Variants in RBFOX1 observed in about 807,000 individuals in gnomAD.
RBFOX1 encodes RNA binding fox-1 homolog 1.
RBFOX1 carries 8 observed loss-of-function variants against 57.7 expected under a neutral mutation model. The observed-to-expected ratio is 0.14, with a 90% CI of 0.08 to 0.25. The LOEUF (loss-of-function observed/expected upper bound fraction) is 0.25. RBFOX1 is among the 10% of genes least tolerant of loss of function. RBFOX1 has a pLI of 1.00. For missense variants in RBFOX1, 611 were observed against 548.5 expected, an observed-to-expected ratio of 1.11 and a Z score of -1.14; for synonymous variants, 326 against 222.4, an observed-to-expected ratio of 1.47 and a Z score of -4.15.
At chr16:5,481,110 T>G (rs2069526065) in intron 2 of RBFOX1, among the ~76,000 whole-genome samples, 1 of 152,232 alleles carries the variant, frequency 6.6e-6, no homozygotes, top group Non-Finnish European at 1.5e-5. Context: ...GGAGTTAGTT[T>G]GTTCCTCTTC....
intron 3 of RBFOX1, among the ~76,000 whole-genome samples, chr16:5,664,960 A>G (rs930504649): frequency 1.5e-5 from 2 of 134,652 alleles, no homozygotes; most frequent in African/African-American, 5.4e-5. Flanking sequence ...TTTTTTTTTT[A>G]TCGAGATAGG....
chr16:6,858,243 C>G (rs1046531897), intron 3 of RBFOX1, among the ~76,000 whole-genome samples: 3 of 152,176 alleles, frequency 2.0e-5, no homozygotes, highest in East Asian at 3.9e-4. Context: ...AGATTTATCT[C>G]AAATGATGAA....
chr16:5,979,182 G>C (rs1020041508), intron 4 of RBFOX1, among the ~76,000 whole-genome samples: 21 of 152,190 alleles, frequency 1.4e-4, no homozygotes, highest in Admixed American at 1.4e-3. Flanking sequence ...GAGCTCCAAG[G>C]ATGCCCCTGC....
chr16:6,570,633 A>T (rs975096589), intron 2 of RBFOX1, among the ~76,000 whole-genome samples: 2 of 152,338 alleles, frequency 1.3e-5, no homozygotes, highest in East Asian at 3.9e-4. Context: ...ATATAAAGAC[A>T]AAGCACCTTT....
chr16:6,354,446 GAA>G (rs1279010599), intron 2 of RBFOX1, among the ~76,000 whole-genome samples: 1 of 152,040 alleles, frequency 6.6e-6, no homozygotes, highest in Non-Finnish European at 1.5e-5. Flanking sequence ...ACACAGCAGC[GAA>G]ACCAGTGTTC....
Position 5,953,351 on chromosome 16 carries a change from T to G in RBFOX1, c.351+86016T>G, listed in dbSNP as rs2059558236. ...TAAAAAAATTATTTCCATAGGTTAT[T>G]TGGGGACAGGTTATTTGGGGACAGG... On this transcript the variant is annotated intron_variant, in intron 4 of 19. Transcript: ENST00000641259. 2.6e-5 allele frequency among the ~76,000 whole-genome samples: 4 copies of G among 151,082 alleles called. No individual in the cohort carries two copies. In the South Asian group the frequency reaches 8.3e-4, roughly 31 times the overall value.
chr16:5,311,144 A>G (rs2151221013), intron 1 of RBFOX1, among the ~76,000 whole-genome samples: 1 of 152,296 alleles, frequency 6.6e-6, no homozygotes, highest in East Asian at 1.9e-4. Flanking sequence ...CTCTAGCTCC[A>G]TCCAAGTTGC....
intron 3 of RBFOX1, among the ~76,000 whole-genome samples, chr16:6,945,469 GAT>G (rs1568012544): frequency 8.3e-6 from 1 of 119,928 alleles, no homozygotes; most frequent in African/African-American, 3.5e-5. Context: ...TGGATATTTT[GAT>G]TTTTTTTTTT....
intron 3 of RBFOX1, among the ~76,000 whole-genome samples, chr16:5,835,639 C>T (rs1366545907): frequency 6.6e-6 from 1 of 152,182 alleles, no homozygotes; most frequent in Non-Finnish European, 1.5e-5. Flanking sequence ...GATTCTGAAG[C>T]AGGTGGCTCT....
intron 1 of RBFOX1, among the ~76,000 whole-genome samples, chr16:5,382,273 C>G (rs1026039551): frequency 6.6e-6 from 1 of 152,176 alleles, no homozygotes; most frequent in African/African-American, 2.4e-5. Context: ...AAAAAATGCT[C>G]AAATAGTTCC....
At chr16:7,497,621 G>C (rs775534071) in intron 4 of RBFOX1, among the ~76,000 whole-genome samples, 21 of 152,288 alleles carry the variant, frequency 1.4e-4, no homozygotes, top group Middle Eastern at 3.4e-3. Flanking sequence ...CTGGGGACCA[G>C]ACACAGTGGA....
intron 5 of RBFOX1, among the ~76,000 whole-genome samples, chr16:7,548,840 C>T (rs1337116743): frequency 6.6e-6 from 1 of 152,180 alleles, no homozygotes; most frequent in Non-Finnish European, 1.5e-5. Context: ...GGCATGATGG[C>T]ATGTTCCTGC....
chr16:5,315,593 T>G (rs1043186272), intron 1 of RBFOX1, among the ~76,000 whole-genome samples: 2 of 152,174 alleles, frequency 1.3e-5, no homozygotes, highest in Non-Finnish European at 2.9e-5. Flanking sequence ...GAATCACAAT[T>G]ATGCCTGATG....
chr16:7,041,338 CAA>C (rs1217852376), intron 3 of RBFOX1, among the ~76,000 whole-genome samples: 1 of 152,096 alleles, frequency 6.6e-6, no homozygotes, highest in Non-Finnish European at 1.5e-5. Context: ...GCAACAAAGA[CAA>C]GAGAGTCTGT....
intron 1 of RBFOX1, among the ~76,000 whole-genome samples, chr16:5,402,520 T>C (rs1480083044): frequency 2.6e-5 from 4 of 152,232 alleles, no homozygotes; most frequent in Non-Finnish European, 5.9e-5. Flanking sequence ...GGCTACTGTC[T>C]TCCTTTTGTT....
chr16:7,564,913 C>T (rs544175240), intron 5 of RBFOX1, among the ~76,000 whole-genome samples: 1 of 152,150 alleles, frequency 6.6e-6, no homozygotes, highest in Non-Finnish European at 1.5e-5. Flanking sequence ...TGAATTCATT[C>T]GAGTTGCAGG....
chr16:6,418,417 A>T (rs2093683393), intron 2 of RBFOX1, among the ~76,000 whole-genome samples: 1 of 152,066 alleles, frequency 6.6e-6, no homozygotes, highest in Admixed American at 6.6e-5. Flanking sequence ...CCTGGGAGTT[A>T]TAAAGTAGGG....
At chr16:7,382,690 G>C (rs545847143) in intron 4 of RBFOX1, among the ~76,000 whole-genome samples, 1 of 152,174 alleles carries the variant, frequency 6.6e-6, no homozygotes, top group African/African-American at 2.4e-5. Context: ...TTCTAACAGA[G>C]GATAGTCACC....
chr16:5,690,476 A>G (rs1386964903), intron 3 of RBFOX1, among the ~76,000 whole-genome samples: 2 of 152,176 alleles, frequency 1.3e-5, no homozygotes, highest in Non-Finnish European at 2.9e-5. Context: ...TGGACAAAAT[A>G]CTGCCCGTAA....
Sources: gnomAD v4.1 joint callset for allele counts (sites outside exome capture counted in the v4.1 genomes callset) on GRCh38, gnomAD v4.1.1 for gene constraint, MANE v1.5 for transcripts, NCBI Gene and HGNC (gene_info 2026-07-23, HGNC 2026-07-21) for gene names.